Variants in CRBN observed in about 807,000 individuals in gnomAD.
CRBN encodes cereblon.
CRBN carries 53 observed loss-of-function variants against 62.2 expected under a neutral mutation model. The ratio of observed to expected loss-of-function variants is 0.85; its 90% CI spans 0.68 to 1.07. The LOEUF is 1.07. Among genes scored for constraint, CRBN ranks in the 50% least tolerant of loss-of-function variants. The pLI, the probability that CRBN is intolerant of heterozygous loss-of-function variation, is 0.00. For missense variants in CRBN, 616 were observed against 531.1 expected (o/e 1.16, Z -1.57); for synonymous variants, 208 against 176.1 (o/e 1.18, Z -1.43).
chr3:3,165,560 A>AT (rs1187188729), intron 5 of CRBN, among the ~76,000 whole-genome samples: 11 of 152,168 alleles, frequency 7.2e-5, no homozygotes, highest in African/African-American at 2.7e-4. Flanking sequence ...AGATGCTTGT[A>AT]TTTTTTAGCA....
At chr3:3,154,975 G>A (rs192040669) in intron 6 of CRBN, 144 bp from the exon 7 acceptor site, 7 of 657,136 alleles carry the variant, frequency 1.1e-5, no homozygotes, top group Admixed American at 2.3e-5. Flanking sequence ...CTCCATTTTC[G>A]TATGCAGCAA....
rs373240966 is a variant in CRBN, at chr3:3,179,343, G to C, written c.67+278C>G. 3.2e-4 allele frequency among the ~76,000 whole-genome samples: 48 copies of C among 152,322 alleles called. No homozygotes were observed. The East Asian group carries it at 8.1e-3, about 26-fold the overall frequency. On this transcript the variant is annotated intron_variant, in intron 1 of 10. Coordinates refer to ENST00000231948, the MANE Select transcript of CRBN (RefSeq NM_016302.4). Reference sequence around the variant, plus strand: ...GAGCATTTCCTAGGAGCTAAACTCAGAACACAAGGAGGATGGAGAGGATGG... The same window carrying C: ...GAGCATTTCCTAGGAGCTAAACTCACAACACAAGGAGGATGGAGAGGATGG...
At chr3:3,154,588 CA>C in intron 7 of CRBN, 158 bp downstream of exon 7, 1 of 481,686 alleles carries the variant, frequency 2.1e-6, no homozygotes. Flanking sequence ...TTAAAATACT[CA>C]TTTTTTTTCA....
In CRBN at chr3:3,154,216, A is replaced by T. The variant is rs1002082082; in HGVS notation, c.836-141T>A. ...ATACAAGTATAAACAATACAAAAATATACCAGCTGTCAAAGATACACTTTT... is the reference window on the plus strand; with the variant it reads ...ATACAAGTATAAACAATACAAAAATTTACCAGCTGTCAAAGATACACTTTT... On this transcript the variant is annotated intron_variant, in intron 7 of 10. Coordinates refer to ENST00000231948, the MANE Select transcript of CRBN (RefSeq NM_016302.4). 6 of 640,636 alleles carry T rather than the reference A, an allele frequency of 9.4e-6. No individual in the cohort carries two copies. In the Admixed American group the frequency reaches 1.3e-4, roughly 14 times the overall value. 39.7% of individuals were successfully genotyped at this position (640,636 alleles called of 1,614,324 possible).
rs193265663 is a variant in CRBN, at chr3:3,171,835, G to T, written c.527+941C>A. Among the ~76,000 whole-genome samples the T allele has an allele frequency of 2.6e-5, 4 of 152,242 alleles. No homozygotes were observed. In the East Asian group the frequency reaches 5.8e-4, roughly 22 times the overall value. On this transcript the variant is annotated intron_variant, in intron 4 of 10. Transcript: ENST00000231948. ...ACTCAGAACTTGCATGTGTTCAGAA[G>T]ATACCACCTGGGCAACACAGAGGTC...
Position 3,174,135 on chromosome 3 carries a change from G to A in CRBN, c.301C>T (p.Leu101Phe). Residue 101 changes from leucine (L) to phenylalanine (F), a missense_variant, in exon 3 of 11, where the codon CTT (leucine) becomes TTT (phenylalanine). Physicochemically the swap from Leu to Phe is conservative, Grantham distance 22. Coordinates refer to ENST00000231948, the MANE Select transcript of CRBN (RefSeq NM_016302.4). ...LIPGQTLPLQ[L>F]FHPQEVSMVR... ...ATACTGACTTCTTGAGGGTGAAAAA[G>A]CTGAAGAGGTAATGTCTGTCCGGGA... 1 of 1,614,146 alleles carries A rather than the reference G, an allele frequency of 6.2e-7. No individual in the cohort carries two copies. The highest frequency in any genetic ancestry group is 8.5e-7 in the Non-Finnish European group (1 of 1,180,002).
intron 5 of CRBN, chr3:3,156,779 G>C (rs1706909007): frequency 6.4e-6 from 1 of 156,654 alleles, no homozygotes. Flanking sequence ...TCATGATGAA[G>C]TTCCTCATTT....
intron 3 of CRBN, 53 bp downstream of exon 3, chr3:3,174,006 T>A (rs976982632): frequency 6.9e-7 from 1 of 1,456,634 alleles, no homozygotes; most frequent in Non-Finnish European, 9.6e-7. Context: ...CACTGACCAC[T>A]GCAATTACCC....
intron 5 of CRBN, chr3:3,156,644 C>G (rs541685575): frequency 4.0e-6 from 1 of 248,458 alleles, no homozygotes; most frequent in African/African-American, 2.3e-5. Flanking sequence ...GTGAAAACCT[C>G]AAGATATAAT....
chr3:3,156,327 G>T (rs1334892049), intron 5 of CRBN, 46 bp from the exon 6 acceptor site: 3 of 1,514,354 alleles, frequency 2.0e-6, no homozygotes, highest in African/African-American at 1.4e-5. Context: ...ACAGAATAAA[G>T]ATTCTAATGC....
In CRBN at chr3:3,178,887, A is replaced by T. The variant is rs711612; in HGVS notation, c.67+734T>A. Among the ~76,000 whole-genome samples, 165 of 150,116 alleles carry T rather than the reference A, an allele frequency of 1.1e-3. 2 individuals are homozygous for T. The highest frequency in any genetic ancestry group is 6.8e-3 in the Middle Eastern group (2 of 292). ...GAAAAGTTTATGCAATATTCCATGC[A>T]TTTTTTTTTTTGTTCAGTATTTCAA... On this transcript the variant is annotated intron_variant, in intron 1 of 10. Transcript: ENST00000231948.
intron 4 of CRBN, among the ~76,000 whole-genome samples, chr3:3,169,862 TGAA>T (rs932388867): frequency 4.6e-5 from 7 of 151,308 alleles, no homozygotes; most frequent in Non-Finnish European, 7.4e-5. Flanking sequence ...TAGGAACTTC[TGAA>T]GAGTCCTATG....
chr3:3,159,897 T>A (rs1707066086), intron 5 of CRBN, among the ~76,000 whole-genome samples: 1 of 152,192 alleles, frequency 6.6e-6, no homozygotes, highest in South Asian at 2.1e-4. Context: ...GGATGATAAG[T>A]TCTAGCAATT....
intron 5 of CRBN, among the ~76,000 whole-genome samples, chr3:3,165,100 AC>A (rs1321079949): frequency 6.6e-6 from 1 of 152,196 alleles, no homozygotes; most frequent in East Asian, 1.9e-4. Context: ...CAAAAAGAGA[AC>A]TAAAGTTAGA....
chr3:3,151,077 A>C, intron 10 of CRBN, 32 bp from the exon 11 acceptor site: 6 of 1,610,450 alleles, frequency 3.7e-6, no homozygotes, highest in Non-Finnish European at 5.1e-6. Flanking sequence ...TCAGCTAAGG[A>C]AACATTTCTG....
rs1677329680 is a variant in CRBN, at chr3:3,156,279, T to A, written c.690A>T (p.Arg230Ser). Residue 230 changes from arginine to serine, a missense_variant and splice_region_variant, in exon 6 of 11, where the codon AGA (arginine) becomes AGT (serine). Arg to Ser is a moderately radical substitution (Grantham distance 110). Transcript: ENST00000231948. ...SYKWWQKYQKRKFHCANLTSW... is the reference protein window; with the variant it reads ...SYKWWQKYQKSKFHCANLTSW... Reference sequence around the variant, plus strand: ...AAGTTAGATTTGCACAATGAAACTTTCTCTGAAAACAAAACAAAAAGGCAC... The same window carrying A: ...AAGTTAGATTTGCACAATGAAACTTACTCTGAAAACAAAACAAAAAGGCAC... 1 of 1,613,832 alleles carries A rather than the reference T, an allele frequency of 6.2e-7. No homozygotes were observed. Among genetic ancestry groups the A allele is most frequent in the Admixed American group, 1.7e-5 (1 of 60,004 alleles).
chr3:3,151,314 T>G (rs1225025915), intron 10 of CRBN, among the ~76,000 whole-genome samples: 2 of 152,208 alleles, frequency 1.3e-5, no homozygotes, highest in African/African-American at 2.4e-5. Flanking sequence ...AGAATTTCTT[T>G]ATAGAAATTG....
chr3:3,156,134 G>T, intron 6 of CRBN, 85 bp downstream of exon 6: 1 of 1,188,312 alleles, frequency 8.4e-7, no homozygotes, highest in Non-Finnish European at 1.3e-6. Context: ...CTAGAAACTG[G>T]AAAAACTAAA....
At chr3:3,175,352 T>C (rs975314434) in intron 1 of CRBN, 83 bp from the exon 2 acceptor site, 6 of 1,031,524 alleles carry the variant, frequency 5.8e-6, no homozygotes, top group African/African-American at 1.6e-5. Flanking sequence ...AAAAGAGGGG[T>C]ACTTCTAAAA....
Sources: allele counts gnomAD v4.1 joint callset (sites outside exome capture counted in the v4.1 genomes callset), GRCh38; gene constraint gnomAD v4.1.1; transcripts MANE v1.5; gene names NCBI Gene and HGNC (gene_info 2026-07-23, HGNC 2026-07-21).